Variants in FMR1 observed in about 807,000 individuals in gnomAD.
The protein encoded by FMR1 is fragile X messenger ribonucleoprotein 1.
FMR1 carries 13 observed loss-of-function variants against 50.6 expected under a neutral mutation model. The observed-to-expected ratio is 0.26, with a 90% CI of 0.17 to 0.41. FMR1 has a LOEUF of 0.41. Ranked by LOEUF, FMR1 falls within the 10% of genes least tolerant of loss-of-function variation. The pLI is 1.00. For missense variants in FMR1, 316 were observed against 491.3 expected (o/e 0.64, Z 3.37); for synonymous variants, 138 against 164.1 (o/e 0.84, Z 1.22).
At chrX:147,917,749 T>C (rs782048023) in intron 1 of FMR1, among the ~76,000 whole-genome samples, 1 of 111,946 alleles carries the variant, frequency 8.9e-6, no homozygotes, top group African/African-American at 3.2e-5. Context: ...TGTAATTTCA[T>C]TACCCACAGC....
chrX:147,914,598 T>G (rs1188581416), intron 1 of FMR1: 2 of 111,981 alleles, frequency 1.8e-5, no homozygotes, highest in Non-Finnish European at 3.8e-5. Context: ...ACCACCATAT[T>G]TGCAAGGACA....
chrX:147,950,216 C>T lies in FMR1; in HGVS notation c.*1372C>T, dbSNP rs1237956622. On this transcript the variant is annotated 3_prime_UTR_variant, in exon 17 of 17. Coordinates refer to ENST00000370475, the MANE Select transcript of FMR1 (RefSeq NM_002024.6). Reference sequence around the variant, plus strand: ...GTACAGAGCCGTAAAAACTGAAGTTCTGCCTCTGATGTATTTTGTGAGTTT... The same window carrying T: ...GTACAGAGCCGTAAAAACTGAAGTTTTGCCTCTGATGTATTTTGTGAGTTT... The T allele has an allele frequency of 6.1e-6, 2 of 326,847 alleles. No homozygotes were observed. The highest frequency in any genetic ancestry group is 1.2e-5 in the Non-Finnish European group (2 of 169,377). The allele number at this position is 326,847 out of a possible 1,213,427, so 26.9% of individuals were successfully genotyped here. A position where few individuals can be genotyped will look rare whatever the true frequency, so the allele number is the denominator to read the frequency against.
Position 147,938,134 on chromosome X carries a change from C to A in FMR1, c.1161C>A (p.Ser387=), listed in dbSNP as rs138279248. 8.3e-7 allele frequency: 1 copy of A among 1,208,039 alleles called. No individual in the cohort carries two copies. Among genetic ancestry groups the A allele is most frequent in the East Asian group, 3.0e-5 (1 of 33,822 alleles). Residue 387 remains serine, a synonymous_variant, in exon 12 of 17, where the codon TCC becomes TCA. Transcript: ENST00000370475. ...CTTCATCAGTTGTAGCAGGGGAATC[C>A]CAGAAACCTGAACTCAAGGCTTGGC... The part of the protein sequence containing the change: ...LVASSVVAGE[S]QKPELKAWQG...
Position 147,949,024 on chromosome X carries a change from T to A in FMR1, c.*180T>A, listed in dbSNP as rs1442440152. 9 of 525,003 alleles carry A rather than the reference T, an allele frequency of 1.7e-5. No individual in the cohort carries two copies. Among genetic ancestry groups the A allele is most frequent in the Non-Finnish European group, 2.7e-5 (8 of 299,814 alleles). 43.3% of individuals were successfully genotyped at this position (525,003 alleles called of 1,213,427 possible). A position where few individuals can be genotyped will look rare whatever the true frequency, so the allele number is the denominator to read the frequency against. On this transcript the variant is annotated 3_prime_UTR_variant, in exon 17 of 17. Transcript: ENST00000370475. ...TGGCCATAAGCAACAATTTTCAGAT[T>A]TGCACAAAAAGATACCTTAAAATTT...
intron 9 of FMR1, among the ~76,000 whole-genome samples, chrX:147,935,764 ATACTT>A (rs1249557102): frequency 1.8e-5 from 2 of 112,189 alleles, no homozygotes; most frequent in African/African-American, 6.5e-5. Context: ...TTACTGAAAA[ATACTT>A]AAATTGGTTT....
intron 9 of FMR1, chrX:147,933,311 A>C (rs993749137): frequency 7.6e-5 from 31 of 409,641 alleles, no homozygotes; most frequent in African/African-American, 6.9e-4. Context: ...AAAATGAATG[A>C]TATTTGGGGA....
At chrX:147,944,529 G>A (rs1408344018) in intron 14 of FMR1, 2 of 753,594 alleles carry the variant, frequency 2.7e-6, no homozygotes, top group Non-Finnish European at 1.6e-6. Flanking sequence ...CTTAACTGTC[G>A]TGGATAATCT....
At chrX:147,939,705 T>C (rs1476666295) in intron 12 of FMR1, among the ~76,000 whole-genome samples, 1 of 100,617 alleles carries the variant, frequency 9.9e-6, no homozygotes, top group East Asian at 3.1e-4. Flanking sequence ...GAGACCAGCC[T>C]GGGCAATGTG....
intron 16 of FMR1, chrX:147,948,328 A>G: frequency 2.8e-6 from 1 of 362,409 alleles, no homozygotes; most frequent in Non-Finnish European, 3.7e-6. Flanking sequence ...TTTTAACTCT[A>G]GTGTTAGAGG....
At chrX:147,938,040 C>T in intron 11 of FMR1, 59 bp from the exon 12 acceptor site, 1 of 933,260 alleles carries the variant, frequency 1.1e-6, no homozygotes, top group Non-Finnish European at 1.6e-6. Flanking sequence ...TGCGTTCAGG[C>T]TTCTGTGTAT....
intron 1 of FMR1, among the ~76,000 whole-genome samples, chrX:147,919,431 C>T (rs1181904699): frequency 2.7e-5 from 3 of 111,765 alleles, no homozygotes; most frequent in Non-Finnish European, 3.8e-5. Context: ...GGCATGCACC[C>T]TTATGAAATC....
intron 1 of FMR1, among the ~76,000 whole-genome samples, chrX:147,916,921 A>G (rs906911999): frequency 9.0e-6 from 1 of 111,474 alleles, no homozygotes; most frequent in Admixed American, 9.5e-5. Flanking sequence ...CATTTTTAGT[A>G]GAGATGAGGT....
In FMR1 at chrX:147,912,105, C is replaced by CGGCGGCGGA. The variant is rs1569545095; in HGVS notation, c.-69_-68insGGAGGCGGC. ...GAGGCGGCGGCGGCGGCGGCGGCGG[C>CGGCGGCGGA]GGCGGCTGGGCCTCGAGCGCCCGCA... On this transcript the variant is annotated 5_prime_UTR_variant, in exon 1 of 17. Coordinates refer to ENST00000370475, the MANE Select transcript of FMR1 (RefSeq NM_002024.6). 4.2e-6 allele frequency: 3 copies of CGGCGGCGGA among 715,892 alleles called. No homozygotes were observed. The African/African-American group carries it at 7.2e-5, about 17-fold the overall frequency. 59.0% of individuals were successfully genotyped at this position (715,892 alleles called of 1,213,427 possible). A position where few individuals can be genotyped will look rare whatever the true frequency, so the allele number is the denominator to read the frequency against.
intron 5 of FMR1, 22 bp from the exon 6 acceptor site, chrX:147,929,926 A>G: frequency 1.1e-6 from 1 of 936,098 alleles, no homozygotes; most frequent in Non-Finnish European, 1.5e-6. Flanking sequence ...ATTCATCTTA[A>G]TTTTTTTTTT....
Position 147,937,618 on chromosome X carries a change from C to T in FMR1, c.1125+18C>T. Reference sequence around the variant, plus strand: ...TCCAGAGGGTAAGAATTACTTGTCACTTTGAATTACAATACAAGTAATTTG... The same window carrying T: ...TCCAGAGGGTAAGAATTACTTGTCATTTTGAATTACAATACAAGTAATTTG... On this transcript the variant is annotated intron_variant, in intron 11 of 16. Coordinates refer to ENST00000370475, the MANE Select transcript of FMR1 (RefSeq NM_002024.6). The T allele has an allele frequency of 1.4e-6, 1 of 739,152 alleles. No homozygotes were observed. The highest frequency in any genetic ancestry group is 2.2e-6 in the Non-Finnish European group (1 of 464,321). 60.9% of individuals were successfully genotyped at this position (739,152 alleles called of 1,213,427 possible).
intron 16 of FMR1, 99 bp downstream of exon 16, chrX:147,945,715 C>T: frequency 3.2e-6 from 2 of 627,656 alleles, no homozygotes; most frequent in South Asian, 4.9e-5. Context: ...TCAAAGATTA[C>T]AAATCCAGTT....
chrX:147,946,431 C>G (rs1205669913), intron 16 of FMR1, among the ~76,000 whole-genome samples: 1 of 112,465 alleles, frequency 8.9e-6, no homozygotes, highest in Admixed American at 9.4e-5. Context: ...CAGCCAGGAC[C>G]TAGTCCGAGG....
chrX:147,924,646 G>A (rs1337856231), intron 2 of FMR1, among the ~76,000 whole-genome samples: 1 of 105,378 alleles, frequency 9.5e-6, no homozygotes, highest in Non-Finnish European at 1.9e-5. Context: ...CGAGTAGCTG[G>A]GACTATAGGC....
intron 15 of FMR1, 141 bp from the exon 16 acceptor site, chrX:147,945,393 C>T: frequency 1.9e-6 from 1 of 526,310 alleles, no homozygotes; most frequent in Non-Finnish European, 3.3e-6. Flanking sequence ...GATTATTAGC[C>T]ATTGTGTAAC....
Sources: allele counts gnomAD v4.1 joint callset (sites outside exome capture counted in the v4.1 genomes callset), GRCh38; gene constraint gnomAD v4.1.1; transcripts MANE v1.5; gene names NCBI Gene and HGNC (gene_info 2026-07-23, HGNC 2026-07-21).